NUTM1: variants seen among roughly 807,000 people sequenced by gnomAD.
NUTM1 encodes the protein NUT family member 1.
NUTM1 carries 39 observed loss-of-function variants against 88.7 expected under a neutral mutation model. That is an observed-to-expected ratio of 0.44 (90% CI 0.34 to 0.57). NUTM1 has a LOEUF of 0.57. Among genes scored for constraint, NUTM1 ranks in the 20% least tolerant of loss-of-function variants. NUTM1 has a pLI of 0.01. For synonymous variants in NUTM1, 494 were observed against 538.0 expected (o/e 0.92, Z 1.13); for missense variants, 1,350 against 1,414.5 (o/e 0.95, Z 0.73).
At position 34,356,663 on chromosome 15, in the gene NUTM1, C is replaced by A. The variant is rs780554047; in HGVS notation, c.2655C>A (p.Thr885=). 2 of 1,613,750 alleles carry A rather than the reference C, an allele frequency of 1.2e-6. No individual in the cohort carries two copies. Among genetic ancestry groups the A allele is most frequent in the Non-Finnish European group, 1.7e-6 (2 of 1,179,928 alleles). ...GDSTLGSSKE[T]LPPTCQGNLL... ...CCACACTGGGGTCTTCCAAAGAAAC[C>A]CTTCCACCCACATGCCAAGGCAATC... The change falls in exon 8 of 8, where the codon ACC becomes ACA. Residue 885 remains threonine (T), a synonymous_variant. Transcript: ENST00000537011.
intron 3 of NUTM1, 103 bp downstream of exon 3, chr15:34,348,780 G>A: frequency 1.3e-6 from 1 of 743,436 alleles, no homozygotes. Context: ...TTGAGGGAAG[G>A]TCATGAGGGC....
intron 4 of NUTM1, among the ~76,000 whole-genome samples, chr15:34,353,341 G>A (rs1024883843): frequency 6.6e-5 from 10 of 151,838 alleles, no homozygotes; most frequent in Non-Finnish European, 1.2e-4. Flanking sequence ...CTAGACGCGC[G>A]TCATCACTCT....
At chr15:34,350,041 A>G (rs1040242704) in intron 3 of NUTM1, among the ~76,000 whole-genome samples, 1 of 152,208 alleles carries the variant, frequency 6.6e-6, no homozygotes, top group African/African-American at 2.4e-5. Flanking sequence ...CAAGTTGATT[A>G]TAACGAGCTT....
chr15:34,351,342 G>A (rs1400738757), intron 4 of NUTM1, among the ~76,000 whole-genome samples: 1 of 139,742 alleles, frequency 7.2e-6, no homozygotes, highest in East Asian at 2.3e-4. Flanking sequence ...GGGTTCAGTA[G>A]TTCAAGACCA....
At position 34,356,127 on chromosome 15, in the gene NUTM1, G is replaced by A; in HGVS notation, c.2119G>A (p.Val707Met). 1 of 1,613,408 alleles carries A rather than the reference G, an allele frequency of 6.2e-7. No individual in the cohort carries two copies. Among genetic ancestry groups the A allele is most frequent in the Non-Finnish European group, 8.5e-7 (1 of 1,179,468 alleles). Residue 707 changes from valine to methionine, a missense_variant, in exon 8 of 8, where the codon GTG becomes ATG. Val to Met is a conservative substitution (Grantham distance 21). Coordinates refer to ENST00000537011, the MANE Select transcript of NUTM1 (RefSeq NM_001284292.2). ...TCCTCAAGGGAAGGAGCCTTTAGCA[G>A]TGCCCTGGGAAGGCTCTTCAGGAGC... ...VLPQGKEPLA[V>M]PWEGSSGAMW...
rs1385993660 is a variant in NUTM1, at chr15:34,355,636, A to T, written c.1628A>T (p.Gln543Leu). 6.2e-7 allele frequency: 1 copy of T among 1,611,642 alleles called. No homozygotes were observed. Among genetic ancestry groups the T allele is most frequent in the Admixed American group, 1.7e-5 (1 of 59,484 alleles). Residue 543 changes from glutamine to leucine, a missense_variant, in exon 8 of 8, where the codon CAG (glutamine) becomes CTG (leucine). By Grantham distance (113) the Gln-to-Leu change is moderately radical. This residue lies in a region of NUTM1 where 126 missense variants were observed against 189.8 expected (regional missense o/e 0.66). Transcript: ENST00000537011. The surrounding 1 kb of genome is among the most constrained non-coding windows in gnomAD (Gnocchi z 4.3). Reference protein sequence around the residue: ...DGRLRPSPGLQGAGGAACLGK... With the variant: ...DGRLRPSPGLLGAGGAACLGK... ...CGGCTTCGGCCCTCACCTGGGCTTC[A>T]GGGGGCTGGGGGCGCCGCTTGCCTT...
chr15:34,345,357 A>T (rs1890566856), intron 1 of NUTM1, among the ~76,000 whole-genome samples: 1 of 152,238 alleles, frequency 6.6e-6, no homozygotes, highest in Non-Finnish European at 1.5e-5. Context: ...TTTTCAGCAA[A>T]GGGTAAGGCG....
chr15:34,356,588 C>T lies in NUTM1; in HGVS notation c.2580C>T (p.Pro860=). The change falls in exon 8 of 8, where the codon CCC becomes CCT. Residue 860 remains proline (P), a synonymous_variant. Coordinates refer to ENST00000537011, the MANE Select transcript of NUTM1 (RefSeq NM_001284292.2). ...QEQSCETVGH[P]SDLWAEGCFP... is the part of the protein sequence containing the mutation. ...AGAGCTGTGAAACCGTAGGGCATCC[C>T]AGTGATCTGTGGGCAGAAGGTTGCT... 6.2e-7 allele frequency: 1 copy of T among 1,613,918 alleles called. No homozygotes were observed. The highest frequency in any genetic ancestry group is 8.5e-7 in the Non-Finnish European group (1 of 1,179,968).
rs201892693 is a variant in NUTM1, at chr15:34,355,133, C to G, written c.1475C>G (p.Ala492Gly). ...ELEQEEGLTL[A>G]QLVQKRLMAL... is the part of the protein sequence containing the mutation. ...GAGCAAGAAGAAGGACTCACTCTTG[C>G]CCAGGTAAAACTGGGGTATAGGAAA... The change falls in exon 7 of 8, where the codon GCC becomes GGC. Residue 492 changes from alanine to glycine, a missense_variant. Physicochemically the swap from Ala to Gly is moderately conservative, Grantham distance 60. Coordinates refer to ENST00000537011, the MANE Select transcript of NUTM1 (RefSeq NM_001284292.2). The surrounding 1 kb of genome is among the most constrained non-coding windows in gnomAD (Gnocchi z 4.3). 1.7e-4 allele frequency: 275 copies of G among 1,597,092 alleles called. No individual in the cohort carries two copies. The highest frequency in any genetic ancestry group is 3.6e-5 in the Non-Finnish European group (42 of 1,164,870).
rs145376279 is a variant in NUTM1 at position 34,355,099 on chromosome 15, G to C, written c.1441G>C (p.Glu481Gln). The change falls in exon 7 of 8, where the codon GAG becomes CAG. Residue 481 changes from glutamate (E) to glutamine (Q), a missense_variant. Glu to Gln is a conservative substitution (Grantham distance 29). Coordinates refer to ENST00000537011, the MANE Select transcript of NUTM1 (RefSeq NM_001284292.2). The surrounding 1 kb of genome is among the most constrained non-coding windows in gnomAD (Gnocchi z 4.3). Reference sequence around the variant, plus strand: ...ACAGAGAGATCCCTTGGCCTTAATTGAGGAGCTAGAGCAAGAAGAAGGACT... The same window carrying C: ...ACAGAGAGATCCCTTGGCCTTAATTCAGGAGCTAGAGCAAGAAGAAGGACT... ...EKQRDPLALI[E>Q]ELEQEEGLTL... 530 of 1,613,584 alleles carry C rather than the reference G, an allele frequency of 3.3e-4. No individual in the cohort carries two copies. The highest frequency in any genetic ancestry group is 4.1e-4 in the Non-Finnish European group (479 of 1,179,592).
Position 34,357,106 on chromosome 15 carries a change from A to G in NUTM1, c.3098A>G (p.Lys1033Arg). ...RSADRAKGKE[K>R]KKKEAEEEDE... The stretch of plus-strand genomic sequence containing the variant: ...GCAGACAGGGCCAAAGGAAAGGAGA[A>G]AAAGAAAAAGGAAGCAGAGGAAGAG... The change falls in exon 8 of 8, where the codon AAA becomes AGA. Residue 1033 changes from lysine (K) to arginine (R), a missense_variant. Lys to Arg is a conservative substitution (Grantham distance 26). This residue lies in a region of NUTM1 where 730 missense variants were observed against 728.8 expected (regional missense o/e 1.00). Transcript: ENST00000537011. 2 of 1,614,156 alleles carry G rather than the reference A, an allele frequency of 1.2e-6. No individual in the cohort carries two copies. Among genetic ancestry groups the G allele is most frequent in the Non-Finnish European group, 1.7e-6 (2 of 1,180,000 alleles).
intron 3 of NUTM1, 141 bp downstream of exon 3, chr15:34,348,818 A>G (rs1890657427): frequency 4.9e-6 from 3 of 616,050 alleles, no homozygotes; most frequent in Non-Finnish European, 2.8e-6. Flanking sequence ...AATGAAAAAC[A>G]TATTAATAAT....
Position 34,348,421 on chromosome 15 carries a change from G to A in NUTM1, c.553G>A (p.Gly185Ser), listed in dbSNP as rs745668403. The change falls in exon 3 of 8, where the codon GGC becomes AGC. Residue 185 changes from glycine (G) to serine (S), a missense_variant. Gly to Ser is a moderately conservative substitution (Grantham distance 56). Around this residue, in one of 5 missense-constraint regions of NUTM1, gnomAD observed 399 missense variants for 397.9 expected, o/e 1.00. Coordinates refer to ENST00000537011, the MANE Select transcript of NUTM1 (RefSeq NM_001284292.2). Reference sequence around the variant, plus strand: ...TGGTGTCAGCCAGGAGGGTCCTCCAGGCCTTCCGCCTCAGCCTCCACCACC... The same window carrying A: ...TGGTGTCAGCCAGGAGGGTCCTCCAAGCCTTCCGCCTCAGCCTCCACCACC... ...AVGVSQEGPP[G>S]LPPQPPPPVA... The A allele has an allele frequency of 6.2e-7, 1 of 1,614,132 alleles. No homozygotes were observed. Among genetic ancestry groups the A allele is most frequent in the Admixed American group, 1.7e-5 (1 of 60,018 alleles).
In NUTM1 at chr15:34,348,239, G is replaced by A. The variant is rs200731305; in HGVS notation, c.371G>A (p.Gly124Glu). ...GTCATTGTCAAAGTCAAGACAGAAGGGGGGTCAGCTGAGCCCTCTCAAACT... is the reference window on the plus strand; with the variant it reads ...GTCATTGTCAAAGTCAAGACAGAAGAGGGGTCAGCTGAGCCCTCTCAAACT... ...GKVIVKVKTE[G>E]GSAEPSQTQN... The change falls in exon 3 of 8, where the codon GGG becomes GAG. Residue 124 changes from glycine to glutamate, a missense_variant. By Grantham distance (98) the Gly-to-Glu change is moderately conservative. Coordinates refer to ENST00000537011, the MANE Select transcript of NUTM1 (RefSeq NM_001284292.2). 1.2e-6 allele frequency: 2 copies of A among 1,614,246 alleles called. No individual in the cohort carries two copies. Among genetic ancestry groups the A allele is most frequent in the East Asian group, 2.2e-5 (1 of 44,884 alleles).
Position 34,357,180 on chromosome 15 carries a change from C to G in NUTM1, c.3172C>G (p.Leu1058Val). The change falls in exon 8 of 8, where the codon CTC (leucine) becomes GTC (valine). Residue 1058 changes from leucine to valine, a missense_variant. Physicochemically the swap from Leu to Val is conservative, Grantham distance 32. Coordinates refer to ENST00000537011, the MANE Select transcript of NUTM1 (RefSeq NM_001284292.2). ...TTACCTCTTGGCCTCTAAACTTAGC[C>G]TCTCACCAAGGGAGCATCCCCTCAG... ...FAYLLASKLS[L>V]SPREHPLSPH... 6.2e-7 allele frequency: 1 copy of G among 1,614,194 alleles called. No homozygotes were observed. The highest frequency in any genetic ancestry group is 8.5e-7 in the Non-Finnish European group (1 of 1,180,034).
In NUTM1 at chr15:34,353,728, C is replaced by G. The variant is rs898001733; in HGVS notation, c.939-8C>G. 2 of 1,613,984 alleles carry G rather than the reference C, an allele frequency of 1.2e-6. No homozygotes were observed. The highest frequency in any genetic ancestry group is 1.7e-6 in the Non-Finnish European group (2 of 1,180,008). On this transcript the variant is annotated splice_polypyrimidine_tract_variant and splice_region_variant and intron_variant, in intron 4 of 7. Coordinates refer to ENST00000537011, the MANE Select transcript of NUTM1 (RefSeq NM_001284292.2). ...CAGCATTGCCTATGCCTTTCTCACC[C>G]TCTGCAGGTTCATGGAGTTTGAGGC...
At position 34,348,305 on chromosome 15, in the gene NUTM1, C is replaced by T. The variant is rs1890642154; in HGVS notation, c.437C>T (p.Ala146Val). ...ILTQTALNST[A>V]PGTPCGGLEG... ...ACTCAGACTGCCCTCAATTCGACTG[C>T]CCCGGGCACTCCCTGTGGAGGCCTT... is the stretch of plus-strand genomic sequence containing the variant. The change falls in exon 3 of 8, where the codon GCC becomes GTC. Residue 146 changes from alanine (A) to valine (V), a missense_variant. Physicochemically the swap from Ala to Val is moderately conservative, Grantham distance 64. Transcript: ENST00000537011. 1 of 1,614,114 alleles carries T rather than the reference C, an allele frequency of 6.2e-7. No individual in the cohort carries two copies. Among genetic ancestry groups the T allele is most frequent in the South Asian group, 1.1e-5 (1 of 91,088 alleles).
chr15:34,349,996 C>T (rs1027931100), intron 3 of NUTM1, among the ~76,000 whole-genome samples: 1 of 152,136 alleles, frequency 6.6e-6, no homozygotes, highest in Non-Finnish European at 1.5e-5. Context: ...ATGGGAAGCT[C>T]CTAAAATGCT....
Position 34,346,029 on chromosome 15 carries a change from G to C in NUTM1, c.94G>C (p.Asp32His). 1 of 1,614,206 alleles carries C rather than the reference G, an allele frequency of 6.2e-7. No individual in the cohort carries two copies. The highest frequency in any genetic ancestry group is 1.1e-5 in the South Asian group (1 of 91,076). The change falls in exon 2 of 8, where the codon GAT (aspartate) becomes CAT (histidine). Residue 32 changes from aspartate (D) to histidine (H), a missense_variant. Coordinates refer to ENST00000537011, the MANE Select transcript of NUTM1 (RefSeq NM_001284292.2). The part of the protein sequence containing the change: ...LVPKPERMAS[D>H]GASALPGPDM... ...GCCCAAACCTGAGAGGATGGCTTCA[G>C]ATGGAGGTAAGTCTGCAGGTGGTGA...
Sources: gnomAD v4.1 joint callset for allele counts (sites outside exome capture counted in the v4.1 genomes callset) on GRCh38, gnomAD v4.1.1 for gene constraint, gnomAD v4.1.1 regional missense constraint, Gnocchi (gnomAD v3.1) non-coding constraint, MANE v1.5 for transcripts, NCBI Gene and HGNC (gene_info 2026-07-23, HGNC 2026-07-21) for gene names.